Variants in MAP4 observed in about 807,000 individuals in gnomAD.
MAP4 encodes microtubule-associated protein 4.
A neutral mutation model predicts 170.2 loss-of-function variants in MAP4; 76 were observed. The observed-to-expected ratio is 0.45, with a 90% CI of 0.37 to 0.54. The LOEUF (loss-of-function observed/expected upper bound fraction) is 0.54, where lower values mean the gene tolerates loss of function less well. MAP4 is among the 20% of genes least tolerant of loss of function. The probability of loss-of-function intolerance (pLI) is 0.00; values close to 1 mark genes in which losing one functional copy is unlikely to be tolerated. For missense variants in MAP4, 2,506 were observed against 2,748.0 expected, an observed-to-expected ratio of 0.91 and a Z score of 1.97; for synonymous variants, 909 against 994.5, an observed-to-expected ratio of 0.91 and a Z score of 1.62.
At chr3:48,029,025 A>T (rs542156975) in intron 1 of MAP4, among the ~76,000 whole-genome samples, 79 of 152,012 alleles carry the variant, frequency 5.2e-4, no homozygotes, top group African/African-American at 1.8e-3. Context: ...ACACACCTGT[A>T]GTCCCAGCTA....
chr3:47,854,296 C>T (rs879751078), intron 19 of MAP4, among the ~76,000 whole-genome samples: 3 of 152,150 alleles, frequency 2.0e-5, no homozygotes, highest in Admixed American at 1.3e-4. Context: ...GGCATCCTCA[C>T]GAGGTATGGG....
intron 1 of MAP4, among the ~76,000 whole-genome samples, chr3:48,065,338 C>G (rs1256305822): frequency 6.6e-6 from 1 of 152,126 alleles, no homozygotes; most frequent in Non-Finnish European, 1.5e-5. Context: ...ATCAGAAATG[C>G]AAAATCTTGG....
intron 3 of MAP4, among the ~76,000 whole-genome samples, chr3:47,959,529 G>A (rs1021875164): frequency 2.6e-5 from 4 of 151,854 alleles, no homozygotes; most frequent in Non-Finnish European, 4.4e-5. Context: ...GGCCGAGGTG[G>A]GCAGATCACA....
intron 17 of MAP4, among the ~76,000 whole-genome samples, chr3:47,859,823 T>C (rs774383080): frequency 6.6e-6 from 1 of 152,254 alleles, no homozygotes; most frequent in African/African-American, 2.4e-5. Flanking sequence ...ATTATACAGA[T>C]ATTTATAGGC....
chr3:47,893,994 C>T (rs2100025474), intron 10 of MAP4, among the ~76,000 whole-genome samples: 1 of 152,044 alleles, frequency 6.6e-6, no homozygotes, highest in Admixed American at 6.5e-5. Context: ...CAGGGATCAA[C>T]CTTATATACC....
chr3:48,078,947 G>A (rs1357283756), intron 1 of MAP4, among the ~76,000 whole-genome samples: 1 of 152,118 alleles, frequency 6.6e-6, no homozygotes, highest in African/African-American at 2.4e-5. Context: ...GAGGTGAAAA[G>A]ATCACTTGAG....
At position 47,911,664 on chromosome 3, in the gene MAP4, TACTG is replaced by T; in HGVS notation, c.2753_2756del (p.Ser918Ter). 35 of 1,536,118 alleles carry T rather than the reference TACTG, an allele frequency of 2.3e-5. No homozygotes were observed. Among genetic ancestry groups the T allele is most frequent in the Non-Finnish European group, 3.1e-5 (35 of 1,146,898 alleles). On this transcript the variant is annotated frameshift_variant, in exon 9 of 21. Coordinates refer to ENST00000683076, the MANE Select transcript of MAP4 (RefSeq NM_001385682.1). LOFTEE classifies it high-confidence loss of function. The surrounding 1 kb of genome is among the most constrained non-coding windows in gnomAD (Gnocchi z 4.0). ...GGGGTCCTTTCAGATTGAGAGGGCC[TACTG>T]ACTGGCTTTTATCTACAGGAGTCTT... is the stretch of plus-strand genomic sequence containing the variant.
chr3:47,875,518 C>T (rs1022046065), intron 12 of MAP4, among the ~76,000 whole-genome samples, 167 bp downstream of exon 12: 4 of 152,118 alleles, frequency 2.6e-5, no homozygotes, highest in Non-Finnish European at 4.4e-5. Flanking sequence ...ATAGGCAGCG[C>T]GTCCAGAGTA....
At chr3:47,987,406 C>T in intron 2 of MAP4, 1 of 1,532,848 alleles carries the variant, frequency 6.5e-7, no homozygotes, top group Non-Finnish European at 8.7e-7. Flanking sequence ...AAAAGAAAGG[C>T]TGGCAGGGTG....
At chr3:47,938,093 G>C (rs186390333) in intron 3 of MAP4, among the ~76,000 whole-genome samples, 41 of 152,092 alleles carry the variant, frequency 2.7e-4, no homozygotes, top group Non-Finnish European at 4.7e-4. Flanking sequence ...GATCTCTGCT[G>C]GGTGTGGTGG....
intron 2 of MAP4, among the ~76,000 whole-genome samples, chr3:47,985,251 G>T (rs920441246): frequency 6.6e-6 from 1 of 151,960 alleles, no homozygotes; most frequent in Non-Finnish European, 1.5e-5. Flanking sequence ...CTGCACTCCA[G>T]TCTGGGCAAC....
chr3:47,925,917 C>T (rs990058512), intron 4 of MAP4, among the ~76,000 whole-genome samples: 7 of 152,178 alleles, frequency 4.6e-5, no homozygotes, highest in Admixed American at 2.0e-4. Flanking sequence ...TACAATGGCA[C>T]GATCTTGGCT....
rs1217160391 is a variant in MAP4 at position 47,871,398 on chromosome 3, C to T, written c.5942-112G>A. The T allele has an allele frequency of 4.3e-6, 4 of 922,960 alleles. No homozygotes were observed. The African/African-American group carries it at 6.5e-5, about 15-fold the overall frequency. 57.2% of individuals were successfully genotyped at this position (922,960 alleles called of 1,614,324 possible). A position where few individuals can be genotyped will look rare whatever the true frequency, so the allele number is the denominator to read the frequency against. On this transcript the variant is annotated intron_variant, in intron 13 of 20. Coordinates refer to ENST00000683076, the MANE Select transcript of MAP4 (RefSeq NM_001385682.1). ...CAATTACTGAATATCTACTTTGAGC[C>T]AGGGACTGTGTTAGTCCCTGGGAAT...
chr3:47,998,911 C>T (rs1321497676), intron 1 of MAP4, 32 bp from the exon 2 acceptor site: 12 of 1,214,584 alleles, frequency 9.9e-6, no homozygotes, highest in African/African-American at 3.0e-5. Context: ...TTTCATGTAA[C>T]GAGCACTGCA....
intron 4 of MAP4, among the ~76,000 whole-genome samples, chr3:47,927,725 T>C (rs566919852): frequency 1.3e-5 from 2 of 152,290 alleles, no homozygotes; most frequent in South Asian, 2.1e-4. Context: ...TCCGCCCACT[T>C]TGGCCTCCCA....
At position 47,908,222 on chromosome 3, in the gene MAP4, G is replaced by A. The variant is rs909965709; in HGVS notation, c.5383+816C>T. 3.3e-5 allele frequency among the ~76,000 whole-genome samples: 5 copies of A among 151,778 alleles called. No homozygotes were observed. In the South Asian group the frequency reaches 8.3e-4, roughly 25 times the overall value. On this transcript the variant is annotated intron_variant, in intron 9 of 20. Transcript: ENST00000683076. ...TACTTTTTTGGGGAATTGGGGGTGG[G>A]GGGAAACGGGGCTACCATTTCTAAA...
At chr3:47,978,459 A>C (rs1002754887) in intron 2 of MAP4, among the ~76,000 whole-genome samples, 3 of 152,020 alleles carry the variant, frequency 2.0e-5, no homozygotes, top group Non-Finnish European at 2.9e-5. Flanking sequence ...TTGGGATTGC[A>C]GGCACCCGCC....
chr3:47,965,027 C>T (rs1487575423), intron 3 of MAP4, among the ~76,000 whole-genome samples: 6 of 152,212 alleles, frequency 3.9e-5, no homozygotes, highest in Non-Finnish European at 5.9e-5. Flanking sequence ...CCGCCTCTCC[C>T]AGCCCCTGGG....
intron 6 of MAP4, 56 bp downstream of exon 6, chr3:47,918,663 T>C: frequency 4.3e-6 from 6 of 1,400,006 alleles, no homozygotes; most frequent in Admixed American, 1.8e-5. Flanking sequence ...TGATGATTTA[T>C]ATTGATTACC....
Sources: allele counts gnomAD v4.1 joint callset (sites outside exome capture counted in the v4.1 genomes callset), GRCh38; gene constraint gnomAD v4.1.1; non-coding constraint Gnocchi (gnomAD v3.1); transcripts MANE v1.5; gene names NCBI Gene and HGNC (gene_info 2026-07-23, HGNC 2026-07-21).